The following TRAPPC8 variants were observed in gnomAD, a reference collection of about 807,000 sequenced individuals.
TRAPPC8 encodes the protein general sporulation gene 1 homolog.
A neutral mutation model predicts 174.3 loss-of-function variants in TRAPPC8; 54 were observed. The observed-to-expected ratio is 0.31, with a 90% CI of 0.25 to 0.39. The LOEUF (loss-of-function observed/expected upper bound fraction) is 0.39. Among genes scored for constraint, TRAPPC8 ranks in the 10% least tolerant of loss-of-function variants. The probability of loss-of-function intolerance (pLI) is 1.00; values close to 1 mark genes in which losing one functional copy is unlikely to be tolerated. For missense variants in TRAPPC8, 1,531 were observed against 1,699.1 expected, an observed-to-expected ratio of 0.90 and a Z score of 1.74; for synonymous variants, 630 against 579.9, an observed-to-expected ratio of 1.09 and a Z score of -1.24.
chr18:31,891,076 A>C (rs2035934346), intron 11 of TRAPPC8: 3 of 299,222 alleles, frequency 1.0e-5, no homozygotes, highest in Admixed American at 9.9e-5. Context: ...TTCTACCATG[A>C]AATACTTAGC....
At chr18:31,902,917 CG>C (rs2145440983) in intron 9 of TRAPPC8, among the ~76,000 whole-genome samples, 1 of 151,990 alleles carries the variant, frequency 6.6e-6, no homozygotes, top group African/African-American at 2.4e-5. Flanking sequence ...GGCAAGGTGG[CG>C]GGCGCCTGTA....
At chr18:31,897,955 T>C (rs1295659210) in intron 10 of TRAPPC8, 64 bp from the exon 11 acceptor site, 5 of 1,386,376 alleles carry the variant, frequency 3.6e-6, no homozygotes, top group Non-Finnish European at 5.0e-6. Context: ...AAAGTAAATG[T>C]GTTCAGCAAA....
At chr18:31,928,336 T>TACACACAC (rs34570497) in intron 2 of TRAPPC8, among the ~76,000 whole-genome samples, 2,502 of 142,928 alleles carry the variant, frequency 0.018, 22 homozygotes, top group Non-Finnish European at 0.025. Flanking sequence ...ACCTTATCTC[T>TACACACAC]ACACACACAC....
intron 11 of TRAPPC8, among the ~76,000 whole-genome samples, chr18:31,893,039 A>AC (rs1489459047): frequency 5.4e-5 from 8 of 149,518 alleles, no homozygotes; most frequent in African/African-American, 1.2e-4. Flanking sequence ...AAAAAAAAAA[A>AC]AACAACATCT....
intron 19 of TRAPPC8, among the ~76,000 whole-genome samples, chr18:31,860,322 T>C (rs929209450): frequency 1.3e-5 from 2 of 152,132 alleles, no homozygotes; most frequent in African/African-American, 4.8e-5. Flanking sequence ...TTTGCTCTTT[T>C]CTCTGCTTCT....
intron 12 of TRAPPC8, among the ~76,000 whole-genome samples, chr18:31,889,286 T>G (rs752695921): frequency 1.3e-5 from 2 of 152,186 alleles, no homozygotes; most frequent in Non-Finnish European, 2.9e-5. Context: ...TTTTAACTTG[T>G]TAGGTATTTC....
intron 12 of TRAPPC8, among the ~76,000 whole-genome samples, chr18:31,890,053 T>C (rs2035887576): frequency 6.6e-6 from 1 of 152,344 alleles, no homozygotes; most frequent in African/African-American, 2.4e-5. Context: ...CGTAAGACCA[T>C]GTTGACTTTA....
At chr18:31,918,487 T>C (rs2145553451) in intron 2 of TRAPPC8, among the ~76,000 whole-genome samples, 1 of 152,292 alleles carries the variant, frequency 6.6e-6, no homozygotes, top group Non-Finnish European at 1.5e-5. Flanking sequence ...TTTTTCGTTA[T>C]CAGTTCTGGG....
chr18:31,887,012 C>T (rs1054436432), intron 12 of TRAPPC8, among the ~76,000 whole-genome samples: 7 of 152,142 alleles, frequency 4.6e-5, no homozygotes, highest in Non-Finnish European at 8.8e-5. Flanking sequence ...AGCATGAATT[C>T]TCAAATAGAG....
intron 2 of TRAPPC8, among the ~76,000 whole-genome samples, chr18:31,919,839 C>A (rs936028059): frequency 6.6e-6 from 1 of 151,194 alleles, no homozygotes. Flanking sequence ...CCAGCCTGGG[C>A]GACAGGAGTG....
At chr18:31,880,310 CA>C (rs992088276) in intron 12 of TRAPPC8, among the ~76,000 whole-genome samples, 3 of 151,240 alleles carry the variant, frequency 2.0e-5, no homozygotes, top group Admixed American at 6.6e-5. Context: ...AATCACAATC[CA>C]GTGGGTTTTA....
intron 19 of TRAPPC8, among the ~76,000 whole-genome samples, chr18:31,859,803 G>A (rs1219789711): frequency 1.3e-5 from 2 of 152,116 alleles, no homozygotes; most frequent in Non-Finnish European, 2.9e-5. Flanking sequence ...AGATCACGAG[G>A]TCAGGAGTTT....
At chr18:31,916,469 T>C (rs2037150937) in intron 3 of TRAPPC8, 23 bp from the exon 4 acceptor site, 1 of 1,584,912 alleles carries the variant, frequency 6.3e-7, no homozygotes, top group Non-Finnish European at 8.6e-7. Flanking sequence ...ATTATTAAGG[T>C]AATTATCGCT....
chr18:31,835,201 A>C (rs1432965594), intron 27 of TRAPPC8, among the ~76,000 whole-genome samples: 1 of 152,162 alleles, frequency 6.6e-6, no homozygotes, highest in Non-Finnish European at 1.5e-5. Flanking sequence ...ATTTGAGGTA[A>C]AGATGAAGCA....
At chr18:31,894,204 C>A (rs893057687) in intron 11 of TRAPPC8, among the ~76,000 whole-genome samples, 4 of 152,178 alleles carry the variant, frequency 2.6e-5, no homozygotes, top group African/African-American at 9.7e-5. Context: ...GTTTTCATAT[C>A]TTGGTCCAGC....
At chr18:31,857,063 AT>A in intron 20 of TRAPPC8, among the ~76,000 whole-genome samples, 1 of 152,178 alleles carries the variant, frequency 6.6e-6, no homozygotes, top group African/African-American at 2.4e-5. Context: ...GTGATCATCT[AT>A]TGTAACACCA....
intron 12 of TRAPPC8, among the ~76,000 whole-genome samples, chr18:31,886,307 C>A (rs1441178858): frequency 1.4e-5 from 2 of 142,750 alleles, no homozygotes; most frequent in African/African-American, 5.3e-5. Flanking sequence ...ATACGCCCAG[C>A]CTGTTTCCAA....
chr18:31,887,138 G>C (rs1445494471), intron 12 of TRAPPC8, among the ~76,000 whole-genome samples: 2 of 152,112 alleles, frequency 1.3e-5, no homozygotes, highest in African/African-American at 4.8e-5. Context: ...TCATCAAAAA[G>C]CTTATCCACC....
chr18:31,914,911 T>C (rs1050190694), intron 4 of TRAPPC8, among the ~76,000 whole-genome samples: 2 of 152,004 alleles, frequency 1.3e-5, no homozygotes, highest in South Asian at 4.2e-4. Context: ...TAAAAAAAGT[T>C]TGAATATTTC....
Sources: gnomAD v4.1 joint callset for allele counts (sites outside exome capture counted in the v4.1 genomes callset) on GRCh38, gnomAD v4.1.1 for gene constraint, MANE v1.5 for transcripts, NCBI Gene and HGNC (gene_info 2026-07-23, HGNC 2026-07-21) for gene names.